GNAL: variants seen among roughly 807,000 people sequenced by gnomAD.
GNAL encodes the protein G protein subunit alpha L.
Under a neutral mutation model 55.1 loss-of-function variants are expected in GNAL, and 18 were observed. The observed-to-expected ratio is 0.33, with a 90% CI of 0.23 to 0.48. GNAL has a LOEUF of 0.48. GNAL is among the 20% of genes least tolerant of loss of function. GNAL has a pLI of 0.99. For synonymous variants in GNAL, 253 were observed against 237.0 expected (o/e 1.07, Z -0.62); for missense variants, 412 against 614.1 (o/e 0.67, Z 3.48).
chr18:11,862,757 C>T (rs1369627271), intron 6 of GNAL, among the ~76,000 whole-genome samples: 1 of 151,958 alleles, frequency 6.6e-6, no homozygotes, highest in Non-Finnish European at 1.5e-5. Context: ...TACTTCCTGG[C>T]TTCATAAACT....
At chr18:11,697,500 G>A (rs2031447703) in intron 1 of GNAL, among the ~76,000 whole-genome samples, 1 of 152,012 alleles carries the variant, frequency 6.6e-6, no homozygotes, top group South Asian at 2.1e-4. Context: ...GGAGTTTGTA[G>A]TGGGTTGAGA....
intron 4 of GNAL, among the ~76,000 whole-genome samples, chr18:11,802,243 T>C (rs906708090): frequency 6.6e-6 from 1 of 152,198 alleles, no homozygotes; most frequent in Non-Finnish European, 1.5e-5. Flanking sequence ...AAAAGACTGA[T>C]GACAGGGTAA....
rs147739079 is a variant in GNAL at position 11,852,251 on chromosome 18, C to T, written c.723-10144C>T. On this transcript the variant is annotated intron_variant, in intron 5 of 11. Transcript: ENST00000334049. The stretch of plus-strand genomic sequence containing the variant: ...CTTCTACCTTTGGGTTTACAGCCCC[C>T]TCCACATAAATTAAGAAATTCAGTA... The T allele has an allele frequency of 7.9e-6, 8 of 1,008,324 alleles. No individual in the cohort carries two copies. The Admixed American group carries it at 1.8e-4, about 23-fold the overall frequency. The allele number at this position is 1,008,324 out of a possible 1,614,324, so 62.5% of individuals were successfully genotyped here.
At chr18:11,842,333 T>C (rs2035636065) in intron 5 of GNAL, among the ~76,000 whole-genome samples, 1 of 152,130 alleles carries the variant, frequency 6.6e-6, no homozygotes. Context: ...CCAGCCTTTT[T>C]GGCACCAGGG....
intron 5 of GNAL, among the ~76,000 whole-genome samples, chr18:11,844,333 C>T (rs2035684840): frequency 6.6e-6 from 1 of 152,114 alleles, no homozygotes; most frequent in African/African-American, 2.4e-5. Context: ...ACTCAGGAGG[C>T]TGAGGCAGGA....
intron 4 of GNAL, among the ~76,000 whole-genome samples, chr18:11,806,747 TA>T (rs1425038179): frequency 6.6e-6 from 1 of 150,572 alleles, no homozygotes; most frequent in Non-Finnish European, 1.5e-5. Context: ...TTTTTTTTTT[TA>T]ACTTTTATCT....
At chr18:11,697,216 C>T (rs760709281) in intron 1 of GNAL, among the ~76,000 whole-genome samples, 5 of 152,214 alleles carry the variant, frequency 3.3e-5, no homozygotes, top group Non-Finnish European at 5.9e-5. Context: ...GTGAGGCCAG[C>T]TGGAGGCAGC....
chr18:11,689,730 G>T lies in GNAL; in HGVS notation c.167G>T (p.Gly56Val). 1 of 1,500,098 alleles carries T rather than the reference G, an allele frequency of 6.7e-7. No homozygotes were observed. The highest frequency in any genetic ancestry group is 2.8e-5 in the East Asian group (1 of 35,128). 92.9% of individuals were successfully genotyped at this position (1,500,098 alleles called of 1,614,324 possible). ...RDTARTLLPR[G>V]GEGSPACARP... ...ACGGCCCGGACCCTGCTCCCTCGGG[G>T]CGGCGAAGGGAGCCCGGCATGCGCT... Residue 56 changes from glycine (G) to valine (V), a missense_variant, in exon 1 of 12, where the codon GGC (glycine) becomes GTC (valine). By Grantham distance (109) the Gly-to-Val change is moderately radical. Coordinates refer to ENST00000334049, the MANE Select transcript of GNAL (RefSeq NM_182978.4).
intron 2 of GNAL, 131 bp downstream of exon 2, chr18:11,753,056 G>A: frequency 1.7e-6 from 1 of 583,222 alleles, no homozygotes; most frequent in East Asian, 3.0e-5. Flanking sequence ...GAAAAAATTA[G>A]ATATTTGCTG....
chr18:11,885,039 G>C lies in GNAL; in HGVS notation c.*3904G>C, dbSNP rs2036976394. ...CCCCTTGATGCTCAACTAAGCATCTGTTCCCTAGAAATACATGTGTCCAGG... is the reference window on the plus strand; with the variant it reads ...CCCCTTGATGCTCAACTAAGCATCTCTTCCCTAGAAATACATGTGTCCAGG... On this transcript the variant is annotated 3_prime_UTR_variant, in exon 12 of 12. Transcript: ENST00000334049. 1 of 1,294,338 alleles carries C rather than the reference G, an allele frequency of 7.7e-7. No individual in the cohort carries two copies. The highest frequency in any genetic ancestry group is 1.2e-5 in the South Asian group (1 of 80,756). The allele number at this position is 1,294,338 out of a possible 1,614,324, so 80.2% of individuals were successfully genotyped here. A position where few individuals can be genotyped will look rare whatever the true frequency, so the allele number is the denominator to read the frequency against.
intron 5 of GNAL, among the ~76,000 whole-genome samples, chr18:11,843,992 TTA>T (rs2035677255): frequency 6.6e-6 from 1 of 151,656 alleles, no homozygotes; most frequent in Admixed American, 6.6e-5. Context: ...ACAAAAAACT[TTA>T]TGTTTTGGCC....
At chr18:11,753,229 A>T (rs2032920988) in intron 2 of GNAL, among the ~76,000 whole-genome samples, 1 of 143,286 alleles carries the variant, frequency 7.0e-6, no homozygotes, top group Admixed American at 6.8e-5. Flanking sequence ...TTTTTTCAAT[A>T]TAATATTATT....
intron 1 of GNAL, among the ~76,000 whole-genome samples, chr18:11,715,972 CTAT>C (rs150599199): frequency 0.012 from 1,841 of 151,514 alleles, 22 homozygotes; most frequent in African/African-American, 0.042. Context: ...ATCAGAATGG[CTAT>C]TATTAAAAAG....
At position 11,814,650 on chromosome 18, in the gene GNAL, A is replaced by G. The variant is rs146689469; in HGVS notation, c.625-10268A>G. ...AGTGGCTCACACCTGTAATCCCAGC[A>G]CTTTGGAAGGCCAAAGCAGGTGGAT... On this transcript the variant is annotated intron_variant, in intron 4 of 11. Transcript: ENST00000334049. Among the ~76,000 whole-genome samples the G allele has an allele frequency of 4.2e-4, 64 of 152,340 alleles. No homozygotes were observed. The East Asian group carries it at 0.011, about 27-fold the overall frequency.
rs2036309686 is a variant in GNAL at position 11,868,206 on chromosome 18, A to G, written c.911-337A>G. On this transcript the variant is annotated intron_variant, in intron 8 of 11. Coordinates refer to ENST00000334049, the MANE Select transcript of GNAL (RefSeq NM_182978.4). The surrounding 1 kb of genome is among the most constrained non-coding windows in gnomAD (Gnocchi z 4.0). ...TCCTAGCTACTAGGGAGGCTGAGGC[A>G]GGAGAATCACTTGAACCTGGGAGGC... Among the ~76,000 whole-genome samples, 1 of 152,128 alleles carries G rather than the reference A, an allele frequency of 6.6e-6. No individual in the cohort carries two copies.
intron 5 of GNAL, among the ~76,000 whole-genome samples, chr18:11,848,037 G>C (rs1267605017): frequency 6.6e-6 from 1 of 152,176 alleles, no homozygotes; most frequent in Non-Finnish European, 1.5e-5. Context: ...ATGGGAATGA[G>C]CAGATTTGGG....
rs1232488173 is a variant in GNAL, at chr18:11,790,651, C to CTTTTTT, written c.625-34263_625-34258dup. Reference sequence around the variant, plus strand: ...GATGGTTTTTCTTTTCTTTTCTTTTCTTTTTTTTTCTTTTTTTTTTTTTTT... The same window carrying CTTTTTT: ...GATGGTTTTTCTTTTCTTTTCTTTTCTTTTTTTTTTTTTTTCTTTTTTTTTTTTTTT... On this transcript the variant is annotated intron_variant, in intron 4 of 11. Coordinates refer to ENST00000334049, the MANE Select transcript of GNAL (RefSeq NM_182978.4). Among the ~76,000 whole-genome samples, 50 of 83,316 alleles carry CTTTTTT rather than the reference C, an allele frequency of 6.0e-4. 2 individuals are homozygous for CTTTTTT. The highest frequency in any genetic ancestry group is 1.1e-3 in the African/African-American group (21 of 18,672). 54.7% of individuals were successfully genotyped at this position (83,316 alleles called of 152,430 possible). A position where few individuals can be genotyped will look rare whatever the true frequency, so the allele number is the denominator to read the frequency against.
intron 4 of GNAL, among the ~76,000 whole-genome samples, chr18:11,789,141 C>G (rs1402047022): frequency 2.0e-5 from 3 of 151,756 alleles, no homozygotes; most frequent in African/African-American, 4.8e-5. Context: ...CAGGTCACAC[C>G]TCTGCCAACC....
intron 5 of GNAL, among the ~76,000 whole-genome samples, chr18:11,827,039 C>T (rs928338836): frequency 1.5e-4 from 23 of 152,110 alleles, no homozygotes; most frequent in African/African-American, 2.9e-4. Flanking sequence ...ACAGGTCGTC[C>T]GGGCCAGATG....
Sources: gnomAD v4.1 joint callset for allele counts (sites outside exome capture counted in the v4.1 genomes callset) on GRCh38, gnomAD v4.1.1 for gene constraint, Gnocchi (gnomAD v3.1) non-coding constraint, MANE v1.5 for transcripts, NCBI Gene and HGNC (gene_info 2026-07-23, HGNC 2026-07-21) for gene names.